ATE1: variants seen among roughly 807,000 people sequenced by gnomAD.
ATE1 encodes arginyltransferase 1, also known as arginyl-tRNA--protein transferase 1.
A neutral mutation model predicts 70.5 loss-of-function variants in ATE1; 36 were observed. The observed-to-expected ratio is 0.51, with a 90% CI of 0.39 to 0.67. The LOEUF (loss-of-function observed/expected upper bound fraction) is 0.67. Ranked by LOEUF, ATE1 falls within the 30% of genes least tolerant of loss-of-function variation. The pLI is 0.00. For synonymous variants in ATE1, 232 were observed against 219.3 expected (o/e 1.06, Z -0.51); for missense variants, 593 against 629.5 (o/e 0.94, Z 0.62).
At chr10:121,894,196 G>A (rs1950687975) in intron 7 of ATE1, among the ~76,000 whole-genome samples, 1 of 150,212 alleles carries the variant, frequency 6.7e-6, no homozygotes, top group Non-Finnish European at 1.5e-5. Flanking sequence ...CGAGGAAATG[G>A]AAATGGAAGT....
intron 11 of ATE1, among the ~76,000 whole-genome samples, chr10:121,744,272 T>C (rs1944258273): frequency 6.6e-6 from 1 of 152,100 alleles, no homozygotes; most frequent in Non-Finnish European, 1.5e-5. Context: ...AAATTATGTA[T>C]TAAGATATCT....
intron 10 of ATE1, among the ~76,000 whole-genome samples, chr10:121,793,774 C>G (rs1946546512): frequency 6.6e-6 from 1 of 152,042 alleles, no homozygotes; most frequent in South Asian, 2.1e-4. Flanking sequence ...GTTTATATAT[C>G]TTCTGACTTT....
chr10:121,916,652 G>A (rs887814891), intron 3 of ATE1, among the ~76,000 whole-genome samples: 4 of 151,948 alleles, frequency 2.6e-5, no homozygotes, highest in African/African-American at 4.8e-5. Flanking sequence ...TGGCTAACAC[G>A]GTGAAACCCC....
At chr10:121,794,610 C>CAAAAAAAAAAAAAA (rs71022866) in intron 10 of ATE1, among the ~76,000 whole-genome samples, 1 of 77,542 alleles carries the variant, frequency 1.3e-5, no homozygotes, top group African/African-American at 5.1e-5. Context: ...ACCCTGTCTC[C>CAAAAAAAAAAAAAA]AAAAAAAAAA....
intron 7 of ATE1, among the ~76,000 whole-genome samples, chr10:121,878,006 T>G (rs1950109348): frequency 6.6e-6 from 1 of 152,228 alleles, no homozygotes; most frequent in Non-Finnish European, 1.5e-5. Flanking sequence ...TAGAACAGAT[T>G]AATAAATTAT....
chr10:121,888,699 C>G (rs989819328), intron 7 of ATE1, among the ~76,000 whole-genome samples: 2 of 152,186 alleles, frequency 1.3e-5, no homozygotes, highest in Admixed American at 6.5e-5. Context: ...ATATGCAGCA[C>G]TTTTCACGGT....
chr10:121,808,354 C>G (rs764145113), intron 10 of ATE1, among the ~76,000 whole-genome samples: 21 of 152,078 alleles, frequency 1.4e-4, no homozygotes, highest in Non-Finnish European at 2.8e-4. Flanking sequence ...GAAAAGCAGT[C>G]CATGAAGTAG....
chr10:121,840,414 C>T (rs888900547), intron 9 of ATE1, among the ~76,000 whole-genome samples: 2 of 152,172 alleles, frequency 1.3e-5, no homozygotes, highest in East Asian at 1.9e-4. Context: ...AGGAGGATCA[C>T]TTGAGCCCAG....
chr10:121,885,567 CAAA>C (rs397826119), intron 7 of ATE1, among the ~76,000 whole-genome samples: 1 of 96,094 alleles, frequency 1.0e-5, no homozygotes, highest in African/African-American at 4.2e-5. Context: ...GACTCCGTCT[CAAA>C]AAAAAAAAAA....
intron 8 of ATE1, among the ~76,000 whole-genome samples, chr10:121,852,173 T>C (rs1174135752): frequency 6.6e-6 from 1 of 152,222 alleles, no homozygotes; most frequent in African/African-American, 2.4e-5. Context: ...ACTGAAAGTC[T>C]TCAGGGGCTT....
At chr10:121,829,639 G>C (rs1391313615) in intron 10 of ATE1, among the ~76,000 whole-genome samples, 4 of 150,124 alleles carry the variant, frequency 2.7e-5, no homozygotes, top group African/African-American at 9.8e-5. Flanking sequence ...ACCTAGAGGG[G>C]CGGAGGTTGC....
chr10:121,891,871 C>G (rs1045199026), intron 7 of ATE1, among the ~76,000 whole-genome samples: 1 of 152,086 alleles, frequency 6.6e-6, no homozygotes, highest in African/African-American at 2.4e-5. Flanking sequence ...TTAGTTTTCC[C>G]TCTTATATTA....
At chr10:121,862,915 C>T (rs991079227) in intron 8 of ATE1, among the ~76,000 whole-genome samples, 1 of 149,522 alleles carries the variant, frequency 6.7e-6, no homozygotes, top group African/African-American at 2.4e-5. Context: ...TCTGAATAAC[C>T]CACCCTTTAA....
intron 10 of ATE1, among the ~76,000 whole-genome samples, chr10:121,819,748 A>C (rs1947715914): frequency 6.7e-6 from 1 of 150,304 alleles, no homozygotes; most frequent in East Asian, 2.0e-4. Flanking sequence ...TGATGGGTAC[A>C]CCAAAATCTC....
chr10:121,844,335 A>T (rs1948738508), intron 8 of ATE1, among the ~76,000 whole-genome samples: 2 of 152,250 alleles, frequency 1.3e-5, no homozygotes, highest in South Asian at 4.1e-4. Context: ...GCAAACAAAC[A>T]TATGAAAAGA....
chr10:121,921,650 T>C (rs1951886143), intron 3 of ATE1, among the ~76,000 whole-genome samples: 2 of 152,050 alleles, frequency 1.3e-5, no homozygotes, highest in Admixed American at 1.3e-4. Flanking sequence ...GATTATGGGA[T>C]AAGCCCAGGC....
intron 7 of ATE1, among the ~76,000 whole-genome samples, chr10:121,890,647 G>A (rs983687263): frequency 6.6e-6 from 1 of 152,154 alleles, no homozygotes; most frequent in African/African-American, 2.4e-5. Flanking sequence ...GTAAAGAAGA[G>A]ATGAGAGGTC....
At chr10:121,926,729 ATTAC>A (rs1952108248) in intron 1 of ATE1, 1 of 985,236 alleles carries the variant, frequency 1.0e-6, no homozygotes. Context: ...CTAAGGCCAT[ATTAC>A]CACTGTCACG....
At chr10:121,755,114 G>T (rs1451488863) in intron 11 of ATE1, among the ~76,000 whole-genome samples, 1 of 152,110 alleles carries the variant, frequency 6.6e-6, no homozygotes, top group Non-Finnish European at 1.5e-5. Flanking sequence ...TGAACCTTAG[G>T]TCTAAAAAAA....
Sources: gnomAD v4.1 joint callset for allele counts (sites outside exome capture counted in the v4.1 genomes callset) on GRCh38, gnomAD v4.1.1 for gene constraint, MANE v1.5 for transcripts, NCBI Gene and HGNC (gene_info 2026-07-23, HGNC 2026-07-21) for gene names.